The following CEP128 variants were observed in gnomAD, a reference collection of about 807,000 sequenced individuals.
CEP128 encodes centrosomal protein 128, also known as centrosomal protein 128kDa.
CEP128 carries 132 observed loss-of-function variants against 156.7 expected under a neutral mutation model. The ratio of observed to expected loss-of-function variants is 0.84; its 90% CI spans 0.73 to 0.97. The LOEUF (loss-of-function observed/expected upper bound fraction) is 0.97, where lower values mean the gene tolerates loss of function less well. Among genes scored for constraint, CEP128 ranks in the 50% least tolerant of loss-of-function variants. CEP128 has a pLI of 0.00. For synonymous variants in CEP128, 469 were observed against 448.9 expected, an observed-to-expected ratio of 1.04 and a Z score of -0.57; for missense variants, 1,252 against 1,281.9, an observed-to-expected ratio of 0.98 and a Z score of 0.36.
chr14:80,928,406 C>T (rs899629766), intron 2 of CEP128, among the ~76,000 whole-genome samples: 1 of 151,916 alleles, frequency 6.6e-6, no homozygotes, highest in Non-Finnish European at 1.5e-5. Context: ...CAATTCAGGA[C>T]ATGAATGAAA....
chr14:80,706,065 T>C (rs73336577), intron 19 of CEP128, among the ~76,000 whole-genome samples: 2,708 of 152,018 alleles, frequency 0.018, 75 homozygotes, highest in African/African-American at 0.061. Context: ...AAATAAGGAG[T>C]TGCAAAATAA....
intron 2 of CEP128, among the ~76,000 whole-genome samples, chr14:80,928,811 A>G (rs1885287772): frequency 6.6e-6 from 1 of 152,216 alleles, no homozygotes; most frequent in Non-Finnish European, 1.5e-5. Context: ...ACTCTTCTGG[A>G]CATTGGCCTA....
In CEP128 at chr14:80,656,315, A is replaced by ATATT. The variant is rs1555387581; in HGVS notation, c.2807-75893_2807-75892insAATA. ...TTTATATATATATATATATATATAT[A>ATATT]TATATATATATATATATATATATAT... is the stretch of plus-strand genomic sequence containing the variant. On this transcript the variant is annotated intron_variant, in intron 19 of 24. Coordinates refer to ENST00000555265, the MANE Select transcript of CEP128 (RefSeq NM_152446.5). Among the ~76,000 whole-genome samples the ATATT allele has an allele frequency of 9.0e-5, 2 of 22,180 alleles. 1 individual carries two copies. Among genetic ancestry groups the ATATT allele is most frequent in the African/African-American group, 4.8e-4 (2 of 4,166 alleles). 14.6% of individuals were successfully genotyped at this position (22,180 alleles called of 152,430 possible).
intron 8 of CEP128, among the ~76,000 whole-genome samples, chr14:80,888,399 A>G (rs1298925673): frequency 6.6e-6 from 1 of 152,180 alleles, no homozygotes; most frequent in Non-Finnish European, 1.5e-5. Flanking sequence ...CTGGCAAACC[A>G]AACCCAGCAG....
chr14:80,515,703 C>T (rs1888455690), intron 23 of CEP128, among the ~76,000 whole-genome samples: 1 of 152,150 alleles, frequency 6.6e-6, no homozygotes, highest in Non-Finnish European at 1.5e-5. Context: ...TGAGCTGTTG[C>T]CCAAGCTGCA....
chr14:80,642,057 T>C (rs1443030405), intron 19 of CEP128, among the ~76,000 whole-genome samples: 2 of 123,046 alleles, frequency 1.6e-5, no homozygotes, highest in Non-Finnish European at 3.2e-5. Context: ...GCCACTGCAC[T>C]CCAGCCTGGG....
intron 18 of CEP128, among the ~76,000 whole-genome samples, chr14:80,744,832 C>A (rs1263607240): frequency 2.0e-5 from 3 of 152,126 alleles, no homozygotes; most frequent in Non-Finnish European, 2.9e-5. Context: ...CCCCAATGTG[C>A]CACTGATAGG....
At chr14:80,532,109 G>A (rs1295113643) in intron 21 of CEP128, among the ~76,000 whole-genome samples, 1 of 152,140 alleles carries the variant, frequency 6.6e-6, no homozygotes, top group South Asian at 2.1e-4. Flanking sequence ...CCTACCCTGA[G>A]AATTAAATAA....
intron 19 of CEP128, among the ~76,000 whole-genome samples, chr14:80,616,738 G>A (rs1893229989): frequency 1.3e-5 from 2 of 152,122 alleles, no homozygotes; most frequent in Admixed American, 6.5e-5. Context: ...TCCAGGAAAA[G>A]TAGAAAATTT....
chr14:80,913,394 G>A (rs1203327964), intron 4 of CEP128, among the ~76,000 whole-genome samples: 2 of 152,074 alleles, frequency 1.3e-5, no homozygotes, highest in Admixed American at 6.5e-5. Context: ...ATTTTAAAAC[G>A]TTGTATAACA....
At chr14:80,695,713 C>CA (rs772118868) in intron 19 of CEP128, among the ~76,000 whole-genome samples, 10,968 of 99,218 alleles carry the variant, frequency 0.11, 1,285 homozygotes, top group African/African-American at 0.32. Context: ...GACTCCATCT[C>CA]AAAAAAAAAA....
intron 21 of CEP128, among the ~76,000 whole-genome samples, chr14:80,549,855 G>A (rs1346569923): frequency 6.6e-6 from 1 of 152,054 alleles, no homozygotes; most frequent in East Asian, 1.9e-4. Context: ...AGGGTAAAAA[G>A]GAAAAATAAT....
chr14:80,801,526 C>A (rs1338522077), intron 13 of CEP128, among the ~76,000 whole-genome samples: 1 of 150,268 alleles, frequency 6.7e-6, no homozygotes, highest in Admixed American at 6.6e-5. Flanking sequence ...GAAAAAAAAA[C>A]AAACAACCAC....
intron 19 of CEP128, among the ~76,000 whole-genome samples, chr14:80,727,622 G>A (rs921984652): frequency 2.0e-5 from 3 of 152,020 alleles, no homozygotes; most frequent in African/African-American, 4.8e-5. Context: ...TGTAAATTAT[G>A]CATCCAACAA....
chr14:80,557,343 T>G (rs1178340352), intron 21 of CEP128, among the ~76,000 whole-genome samples: 1 of 152,212 alleles, frequency 6.6e-6, no homozygotes, highest in Non-Finnish European at 1.5e-5. Context: ...TTCACGTGTA[T>G]TTTCTCTCTT....
intron 19 of CEP128, among the ~76,000 whole-genome samples, chr14:80,654,369 T>C (rs1207124791): frequency 1.3e-5 from 2 of 152,102 alleles, no homozygotes; most frequent in African/African-American, 4.8e-5. Context: ...TATTTTGTCG[T>C]TTAGCTGAAA....
At chr14:80,491,270 G>A (rs1216088458) in intron 6 of CEP128, among the ~76,000 whole-genome samples, 2 of 152,166 alleles carry the variant, frequency 1.3e-5, no homozygotes, top group Admixed American at 1.3e-4. Flanking sequence ...ATTGGCTGTG[G>A]TCTTGGTCAA....
Position 80,790,813 on chromosome 14 carries a change from C to A in CEP128, c.1560+1947G>T, listed in dbSNP as rs966009351. Among the ~76,000 whole-genome samples the A allele has an allele frequency of 8.4e-5, 11 of 130,248 alleles. No homozygotes were observed. The South Asian group carries it at 2.6e-3, about 30-fold the overall frequency. The allele number at this position is 130,248 out of a possible 152,430, so 85.4% of individuals were successfully genotyped here. On this transcript the variant is annotated intron_variant, in intron 14 of 24. Transcript: ENST00000555265. Reference sequence around the variant, plus strand: ...AATAAATTATGCTAGAAAAAGAGAACTGGTGGTAGACACAGAACCATACTG... The same window carrying A: ...AATAAATTATGCTAGAAAAAGAGAAATGGTGGTAGACACAGAACCATACTG...
intron 2 of CEP128, among the ~76,000 whole-genome samples, chr14:80,938,536 C>A (rs747981138): frequency 6.6e-6 from 1 of 152,070 alleles, no homozygotes; most frequent in South Asian, 2.1e-4. Flanking sequence ...CGTGAGCCAC[C>A]GCGCCCGGCC....
Sources: allele counts gnomAD v4.1 joint callset (sites outside exome capture counted in the v4.1 genomes callset), GRCh38; gene constraint gnomAD v4.1.1; transcripts MANE v1.5; gene names NCBI Gene and HGNC (gene_info 2026-07-23, HGNC 2026-07-21).